The following ZYG11B variants were observed in gnomAD, a reference collection of about 807,000 sequenced individuals.
The protein encoded by ZYG11B is zyg-11 family member B, cell cycle regulator.
Under a neutral mutation model 82.4 loss-of-function variants are expected in ZYG11B, and 36 were observed. That is an observed-to-expected ratio of 0.44 (90% CI 0.33 to 0.58). The LOEUF (loss-of-function observed/expected upper bound fraction) is 0.58, where lower values mean the gene tolerates loss of function less well. Ranked by LOEUF, ZYG11B falls within the 20% of genes least tolerant of loss-of-function variation. The pLI, the probability that ZYG11B is intolerant of heterozygous loss-of-function variation, is 0.02. For synonymous variants in ZYG11B, 303 were observed against 312.8 expected (o/e 0.97, Z 0.33); for missense variants, 552 against 895.6 (o/e 0.62, Z 4.90).
chr1:52,759,640 A>C (rs1644610580), intron 2 of ZYG11B, among the ~76,000 whole-genome samples: 1 of 152,142 alleles, frequency 6.6e-6, no homozygotes, highest in African/African-American at 2.4e-5. Flanking sequence ...TGAATTATTT[A>C]ATCTCTTTAT....
intron 10 of ZYG11B, among the ~76,000 whole-genome samples, chr1:52,808,814 G>C (rs891148425): frequency 6.6e-6 from 1 of 152,084 alleles, no homozygotes; most frequent in Non-Finnish European, 1.5e-5. Flanking sequence ...GTGTGTTTCA[G>C]TTTGGATAGT....
chr1:52,815,973 G>A (rs1413982379), intron 12 of ZYG11B, among the ~76,000 whole-genome samples: 1 of 151,970 alleles, frequency 6.6e-6, no homozygotes, highest in Non-Finnish European at 1.5e-5. Context: ...ATTAAGAAGT[G>A]CATACTGGAT....
Position 52,816,572 on chromosome 1 carries a change from A to C in ZYG11B, c.1987A>C (p.Thr663Pro), listed in dbSNP as rs747776999. 2.5e-6 allele frequency: 4 copies of C among 1,613,370 alleles called. No individual in the cohort carries two copies. The highest frequency in any genetic ancestry group is 3.4e-6 in the Non-Finnish European group (4 of 1,179,874). ...TTTCCCATTACTTGGCTGTTTCACAACACCAGGAGTTCAGCTATGGGCAGT... is the reference window on the plus strand; with the variant it reads ...TTTCCCATTACTTGGCTGTTTCACACCACCAGGAGTTCAGCTATGGGCAGT... ...PFFPLLGCFT[T>P]PGVQLWAVWA... Residue 663 changes from threonine (T) to proline (P), a missense_variant, in exon 13 of 14, where the codon ACA becomes CCA. Physicochemically the swap from Thr to Pro is conservative, Grantham distance 38. Transcript: ENST00000294353.
At chr1:52,764,698 A>G (rs1445322120) in intron 2 of ZYG11B, among the ~76,000 whole-genome samples, 5 of 152,146 alleles carry the variant, frequency 3.3e-5, no homozygotes, top group African/African-American at 1.2e-4. Flanking sequence ...AAACATATAG[A>G]ATTACAGCTT....
chr1:52,807,942 T>G (rs1316475239), intron 10 of ZYG11B, among the ~76,000 whole-genome samples: 2 of 152,260 alleles, frequency 1.3e-5, no homozygotes, highest in African/African-American at 4.8e-5. Flanking sequence ...AATTCTAAAT[T>G]GACATTGCTT....
Position 52,790,020 on chromosome 1 carries a change from C to A in ZYG11B, c.1287C>A (p.Leu429=), listed in dbSNP as rs370774638. The A allele has an allele frequency of 3.8e-5, 61 of 1,584,852 alleles. No individual in the cohort carries two copies. The highest frequency in any genetic ancestry group is 5.0e-5 in the Non-Finnish European group (58 of 1,163,318). ...TTCTTTAGTTACAGAAGAATTGCCTCCTTTCACTTTGCAGTGACCGGATCC... is the reference window on the plus strand; with the variant it reads ...TTCTTTAGTTACAGAAGAATTGCCTACTTTCACTTTGCAGTGACCGGATCC... ...PNHQQLQKNC[L]LSLCSDRILQ... Residue 429 remains leucine, a synonymous_variant, in exon 6 of 14, where the codon CTC becomes CTA. Transcript: ENST00000294353.
In ZYG11B at chr1:52,796,798, C is replaced by G; in HGVS notation, c.1485+14C>G. The G allele has an allele frequency of 6.7e-7, 1 of 1,499,996 alleles. No individual in the cohort carries two copies. The highest frequency in any genetic ancestry group is 8.9e-7 in the Non-Finnish European group (1 of 1,125,478). The allele number at this position is 1,499,996 out of a possible 1,614,324, so 92.9% of individuals were successfully genotyped here. ...TTCATTGTCAGGGTAAGTCTATAAT[C>G]TCCTCCATTCAGGCCACTAGATATT... On this transcript the variant is annotated intron_variant, in intron 8 of 13. Transcript: ENST00000294353.
intron 8 of ZYG11B, among the ~76,000 whole-genome samples, chr1:52,801,341 T>G (rs1050252399): frequency 4.6e-5 from 7 of 152,208 alleles, no homozygotes; most frequent in Non-Finnish European, 7.3e-5. Flanking sequence ...GGTCTTCCTA[T>G]TCTTACTTTC....
At chr1:52,768,014 C>T (rs974453704) in intron 2 of ZYG11B, among the ~76,000 whole-genome samples, 12 of 152,144 alleles carry the variant, frequency 7.9e-5, no homozygotes, top group African/African-American at 2.9e-4. Context: ...CTAACACCTC[C>T]CCTGTGGGCA....
At chr1:52,789,426 T>G (rs536218898) in intron 5 of ZYG11B, among the ~76,000 whole-genome samples, 1 of 152,314 alleles carries the variant, frequency 6.6e-6, no homozygotes, top group South Asian at 2.1e-4. Context: ...ATTTTCTTAT[T>G]TTGCTTCACA....
chr1:52,760,577 A>G (rs558314686), intron 2 of ZYG11B, among the ~76,000 whole-genome samples: 4 of 152,278 alleles, frequency 2.6e-5, no homozygotes, highest in East Asian at 1.9e-4. Context: ...CAAAGGATCA[A>G]TGATATTGGT....
At chr1:52,748,955 C>T (rs902478001) in intron 1 of ZYG11B, among the ~76,000 whole-genome samples, 1 of 150,946 alleles carries the variant, frequency 6.6e-6, no homozygotes, top group African/African-American at 2.4e-5. Flanking sequence ...AATCCCAGCA[C>T]TTTGGGAGGC....
intron 10 of ZYG11B, among the ~76,000 whole-genome samples, chr1:52,809,866 T>C (rs1465843971): frequency 6.6e-6 from 1 of 152,182 alleles, no homozygotes; most frequent in Non-Finnish European, 1.5e-5. Flanking sequence ...GGGTTGTTTG[T>C]GTTTTTGTTG....
At chr1:52,756,396 C>T (rs1190261710) in intron 1 of ZYG11B, 62 bp from the exon 2 acceptor site, 1 of 1,522,366 alleles carries the variant, frequency 6.6e-7, no homozygotes, top group African/African-American at 1.4e-5. Context: ...TTGTTCTCTG[C>T]TTTTCTGGAA....
At chr1:52,781,398 C>T in intron 4 of ZYG11B, among the ~76,000 whole-genome samples, 1 of 152,048 alleles carries the variant, frequency 6.6e-6, no homozygotes, top group East Asian at 1.9e-4. Flanking sequence ...ACATGGGACA[C>T]TGAGGCGGGA....
In ZYG11B at chr1:52,821,657, A is replaced by C; in HGVS notation, c.*28A>C. 6.4e-7 allele frequency: 1 copy of C among 1,572,262 alleles called. No homozygotes were observed. The highest frequency in any genetic ancestry group is 8.6e-7 in the Non-Finnish European group (1 of 1,156,158). On this transcript the variant is annotated 3_prime_UTR_variant, in exon 14 of 14. Coordinates refer to ENST00000294353, the MANE Select transcript of ZYG11B (RefSeq NM_024646.3). ...GCCATAAGTATTGGATAGTTGAATCACAGGAATCCTTTTTGTGATTGGTCC... is the reference window on the plus strand; with the variant it reads ...GCCATAAGTATTGGATAGTTGAATCCCAGGAATCCTTTTTGTGATTGGTCC...
rs115430863 is a variant in ZYG11B at position 52,791,722 on chromosome 1, T to C, written c.1334+1655T>C. ...TTTTATTTGAGTAACAGAGTACACT[T>C]ATCTGGCATGGCTAAGGAAAGAGGT... On this transcript the variant is annotated intron_variant, in intron 6 of 13. Transcript: ENST00000294353. Among the ~76,000 whole-genome samples the C allele has an allele frequency of 9.2e-3, 1,398 of 152,304 alleles. 21 individuals are homozygous for C. The highest frequency in any genetic ancestry group is 0.032 in the African/African-American group (1,347 of 41,562).
intron 5 of ZYG11B, among the ~76,000 whole-genome samples, chr1:52,785,739 CA>C (rs1644907509): frequency 6.6e-6 from 1 of 152,150 alleles, no homozygotes; most frequent in Non-Finnish European, 1.5e-5. Flanking sequence ...ACAGCCACCT[CA>C]CCCGGCCCTT....
At chr1:52,772,941 T>G (rs1196699621) in intron 3 of ZYG11B, among the ~76,000 whole-genome samples, 1 of 152,052 alleles carries the variant, frequency 6.6e-6, no homozygotes, top group Non-Finnish European at 1.5e-5. Context: ...CCTCCCAAAG[T>G]GCTGGGATTA....
Sources: allele counts gnomAD v4.1 joint callset (sites outside exome capture counted in the v4.1 genomes callset), GRCh38; gene constraint gnomAD v4.1.1; transcripts MANE v1.5; gene names NCBI Gene and HGNC (gene_info 2026-07-23, HGNC 2026-07-21).